ZRSR2: variants seen among roughly 807,000 people sequenced by gnomAD.
ZRSR2 encodes zinc finger CCCH-type, RNA binding motif and serine/arginine rich 2.
ZRSR2 carries 3 observed loss-of-function variants against 39.4 expected under a neutral mutation model. That is an observed-to-expected ratio of 0.08 (90% CI 0.03 to 0.20). The LOEUF (loss-of-function observed/expected upper bound fraction) is 0.20, where lower values mean the gene tolerates loss of function less well. Among genes scored for constraint, ZRSR2 ranks in the 10% least tolerant of loss-of-function variants. The pLI is 1.00. For missense variants in ZRSR2, 256 were observed against 391.5 expected (o/e 0.65, Z 2.92); for synonymous variants, 137 against 136.0 (o/e 1.01, Z -0.05).
intron 2 of ZRSR2, among the ~76,000 whole-genome samples, chrX:15,796,064 T>C (rs1398383815): frequency 6.4e-5 from 7 of 109,671 alleles, no homozygotes; most frequent in Non-Finnish European, 1.3e-4. Context: ...AGTCTTGCTC[T>C]GTCGCCCAGG....
chrX:15,816,763 AATG>A (rs1383786497), intron 8 of ZRSR2, among the ~76,000 whole-genome samples: 1 of 111,939 alleles, frequency 8.9e-6, no homozygotes, highest in South Asian at 3.7e-4. Context: ...GCAAGTTGCA[AATG>A]ATGATGAAAA....
chrX:15,808,710 C>T (rs192046778), intron 6 of ZRSR2, among the ~76,000 whole-genome samples: 260 of 107,318 alleles, frequency 2.4e-3, no homozygotes, highest in Non-Finnish European at 4.1e-3. Context: ...CAACCTCCGC[C>T]TCCCGGGTTC....
intron 2 of ZRSR2, among the ~76,000 whole-genome samples, chrX:15,797,937 T>C (rs1334639324): frequency 8.9e-6 from 1 of 112,027 alleles, no homozygotes; most frequent in Admixed American, 9.5e-5. Flanking sequence ...CTATGCCCTG[T>C]CTAATCTATG....
At chrX:15,810,387 A>G (rs1476624997) in intron 7 of ZRSR2, among the ~76,000 whole-genome samples, 1 of 112,020 alleles carries the variant, frequency 8.9e-6, no homozygotes, top group Non-Finnish European at 1.9e-5. Context: ...AATTATCACC[A>G]TATATTCTGC....
rs780755210 is a variant in ZRSR2, at chrX:15,790,952, C to G, written c.60C>G (p.Ala20=). The G allele has an allele frequency of 1.7e-6, 2 of 1,210,837 alleles. No homozygotes were observed. Among genetic ancestry groups the G allele is most frequent in the Non-Finnish European group, 2.2e-6 (2 of 894,973 alleles). The change falls in exon 2 of 11, where the codon GCC becomes GCG. Residue 20 remains alanine (A), a synonymous_variant. Transcript: ENST00000307771. ...CTTCCAGCCACAAAAAGTACAGGGC[C>G]GCCCTGAAGAAGGAGAAACGAAAGA... ...PEKPSHKKYR[A]ALKKEKRKKR...
intron 9 of ZRSR2, among the ~76,000 whole-genome samples, chrX:15,819,525 T>C (rs1227351230): frequency 1.8e-5 from 2 of 110,407 alleles, no homozygotes; most frequent in African/African-American, 6.6e-5. Flanking sequence ...TGCAGTGAGG[T>C]ATGACTGTAC....
chrX:15,814,388 G>A (rs1228441094), intron 7 of ZRSR2, among the ~76,000 whole-genome samples: 2 of 111,730 alleles, frequency 1.8e-5, no homozygotes, highest in African/African-American at 3.3e-5. Flanking sequence ...CAGAGCTTTG[G>A]GAGGCTGAGG....
At chrX:15,811,775 C>T (rs1017333850) in intron 7 of ZRSR2, among the ~76,000 whole-genome samples, 4 of 111,211 alleles carry the variant, frequency 3.6e-5, no homozygotes, top group Non-Finnish European at 7.6e-5. Flanking sequence ...ATGTCTTAAA[C>T]GATTTCGAGA....
chrX:15,811,902 G>A (rs1001546951), intron 7 of ZRSR2, among the ~76,000 whole-genome samples: 1 of 111,718 alleles, frequency 9.0e-6, no homozygotes, highest in African/African-American at 3.3e-5. Context: ...TAGTTTGCGA[G>A]CATTTCTTTT....
At chrX:15,811,197 C>G (rs1037924951) in intron 7 of ZRSR2, among the ~76,000 whole-genome samples, 1 of 111,779 alleles carries the variant, frequency 8.9e-6, no homozygotes, top group Non-Finnish European at 1.9e-5. Context: ...TCCACTTTAT[C>G]TAAACAAGAA....
intron 6 of ZRSR2, 122 bp downstream of exon 6, chrX:15,808,393 GT>G: frequency 1.6e-6 from 1 of 608,556 alleles, no homozygotes. Flanking sequence ...CTGGACTCAT[GT>G]TTATGATGCT....
chrX:15,796,688 G>A (rs1444720418), intron 2 of ZRSR2, among the ~76,000 whole-genome samples: 1 of 107,743 alleles, frequency 9.3e-6, no homozygotes, highest in Non-Finnish European at 1.9e-5. Flanking sequence ...TTATGTTGTA[G>A]CACAACTTTT....
chrX:15,817,223 C>G (rs934518107), intron 8 of ZRSR2, among the ~76,000 whole-genome samples: 1 of 111,789 alleles, frequency 8.9e-6, no homozygotes, highest in African/African-American at 3.3e-5. Flanking sequence ...AAACCACAAC[C>G]ACCACAACGT....
At chrX:15,804,532 G>A (rs1932761354) in intron 5 of ZRSR2, among the ~76,000 whole-genome samples, 1 of 111,828 alleles carries the variant, frequency 8.9e-6, no homozygotes, top group Non-Finnish European at 1.9e-5. Flanking sequence ...TACCCTGAAA[G>A]CAGCCATCGA....
At chrX:15,819,194 G>A (rs1181571569) in intron 9 of ZRSR2, among the ~76,000 whole-genome samples, 1 of 110,738 alleles carries the variant, frequency 9.0e-6, no homozygotes, top group African/African-American at 3.3e-5. Context: ...AATATAAGCC[G>A]GGCATGGTGG....
rs1332738431 is a variant in ZRSR2, at chrX:15,799,908, T to C, written c.158T>C (p.Ile53Thr). Reference sequence around the variant, plus strand: ...AAGGAGGAAGAGGAGGACACTTTTATTGAAGAACAACAACTAGAAGAAGAG... The same window carrying C: ...AAGGAGGAAGAGGAGGACACTTTTACTGAAGAACAACAACTAGAAGAAGAG... ...SQKEEEEDTF[I>T]EEQQLEEEKL... Residue 53 changes from isoleucine to threonine, a missense_variant, in exon 3 of 11, where the codon ATT becomes ACT. Transcript: ENST00000307771. 5.0e-6 allele frequency: 6 copies of C among 1,205,815 alleles called. No homozygotes were observed. The East Asian group carries it at 1.8e-4, about 36-fold the overall frequency.
At chrX:15,822,029 C>T (rs900645051) in intron 10 of ZRSR2, among the ~76,000 whole-genome samples, 9 of 109,277 alleles carry the variant, frequency 8.2e-5, no homozygotes, top group African/African-American at 3.0e-4. Context: ...CTCACTCTGT[C>T]GCCCAGGCTG....
At chrX:15,807,394 A>C (rs1932806386) in intron 5 of ZRSR2, among the ~76,000 whole-genome samples, 1 of 109,235 alleles carries the variant, frequency 9.2e-6, no homozygotes, top group Non-Finnish European at 1.9e-5. Flanking sequence ...GGTTCAAGCG[A>C]TTCTCCTGTC....
In ZRSR2 at chrX:15,820,249, A is replaced by G; in HGVS notation, c.870A>G (p.Arg290=). The change falls in exon 10 of 11, where the codon CGA becomes CGG. Residue 290 remains arginine (R), a synonymous_variant. Coordinates refer to ENST00000307771, the MANE Select transcript of ZRSR2 (RefSeq NM_005089.4). ...CAGCCCTTTCTCTGTTTAACGGACG[A>G]TGGTATGCAGGACGACAGCTGCAGT... ...CQAALSLFNG[R]WYAGRQLQCE... 8.3e-7 allele frequency: 1 copy of G among 1,211,948 alleles called. No homozygotes were observed. Among genetic ancestry groups the G allele is most frequent in the Non-Finnish European group, 1.1e-6 (1 of 895,460 alleles).
Sources: allele counts gnomAD v4.1 joint callset (sites outside exome capture counted in the v4.1 genomes callset), GRCh38; gene constraint gnomAD v4.1.1; transcripts MANE v1.5; gene names NCBI Gene and HGNC (gene_info 2026-07-23, HGNC 2026-07-21).